Variants in L3MBTL4 observed in about 807,000 individuals in gnomAD.
L3MBTL4 encodes the protein lethal(3)malignant brain tumor-like protein 4.
L3MBTL4 carries 70 observed loss-of-function variants against 84.5 expected under a neutral mutation model. The observed-to-expected ratio is 0.83, with a 90% CI of 0.68 to 1.01. The LOEUF is 1.01. Ranked by LOEUF, L3MBTL4 falls within the 50% of genes least tolerant of loss-of-function variation. The pLI is 0.00. For synonymous variants in L3MBTL4, 274 were observed against 259.8 expected, an observed-to-expected ratio of 1.05 and a Z score of -0.52; for missense variants, 715 against 754.8, an observed-to-expected ratio of 0.95 and a Z score of 0.62.
intron 13 of L3MBTL4, among the ~76,000 whole-genome samples, chr18:6,152,804 T>C (rs1302587899): frequency 6.6e-6 from 1 of 152,172 alleles, no homozygotes; most frequent in Non-Finnish European, 1.5e-5. Context: ...AAACTCACTA[T>C]CAAAACCAAT....
chr18:6,018,936 C>A (rs950865574), intron 16 of L3MBTL4, among the ~76,000 whole-genome samples: 1 of 152,104 alleles, frequency 6.6e-6, no homozygotes, highest in Non-Finnish European at 1.5e-5. Context: ...TTGTTGGCAT[C>A]CTGAAAGTGA....
chr18:6,323,866 C>A (rs2051563582), intron 1 of L3MBTL4, among the ~76,000 whole-genome samples: 1 of 152,220 alleles, frequency 6.6e-6, no homozygotes, highest in Admixed American at 6.5e-5. Flanking sequence ...ATCCTAATAG[C>A]TAAGACAATA....
At chr18:6,031,494 T>A (rs1425291853) in intron 16 of L3MBTL4, 1 of 985,346 alleles carries the variant, frequency 1.0e-6, no homozygotes. Context: ...CTCATTTTTT[T>A]AAGTATTTAC....
At chr18:6,311,831 A>G (rs981353781) in intron 2 of L3MBTL4, among the ~76,000 whole-genome samples, 167 bp downstream of exon 2, 5 of 152,224 alleles carry the variant, frequency 3.3e-5, no homozygotes, top group African/African-American at 9.6e-5. Flanking sequence ...TAATAATAAG[A>G]CAAGGGGGAG....
At chr18:6,379,560 A>G (rs1264962569) in intron 1 of L3MBTL4, among the ~76,000 whole-genome samples, 1 of 152,196 alleles carries the variant, frequency 6.6e-6, no homozygotes, top group Non-Finnish European at 1.5e-5. Context: ...CCTTTTCTGC[A>G]TCTATTGAGA....
At chr18:6,032,449 C>G (rs1335624362) in intron 16 of L3MBTL4, among the ~76,000 whole-genome samples, 1 of 151,098 alleles carries the variant, frequency 6.6e-6, no homozygotes, top group Non-Finnish European at 1.5e-5. Flanking sequence ...TCGAGGGGGG[C>G]AGAACTGACC....
At chr18:6,314,366 T>G (rs1397604775) in intron 1 of L3MBTL4, among the ~76,000 whole-genome samples, 1 of 152,070 alleles carries the variant, frequency 6.6e-6, no homozygotes, top group Non-Finnish European at 1.5e-5. Flanking sequence ...TAATGTCAAA[T>G]TATAAAACAC....
intron 12 of L3MBTL4, among the ~76,000 whole-genome samples, chr18:6,196,106 C>T (rs1269045041): frequency 6.6e-6 from 1 of 151,888 alleles, no homozygotes; most frequent in Non-Finnish European, 1.5e-5. Flanking sequence ...CTGATATCTG[C>T]TTCCCCACAA....
chr18:6,134,013 C>T (rs932880314), intron 14 of L3MBTL4, among the ~76,000 whole-genome samples: 4 of 152,098 alleles, frequency 2.6e-5, no homozygotes, highest in African/African-American at 7.2e-5. Flanking sequence ...AAGACATACC[C>T]GAGACTGGGA....
At chr18:6,363,483 G>A (rs1343718942) in intron 1 of L3MBTL4, among the ~76,000 whole-genome samples, 1 of 152,068 alleles carries the variant, frequency 6.6e-6, no homozygotes, top group Non-Finnish European at 1.5e-5. Flanking sequence ...TGTCAGAAGT[G>A]ACAAAGATAA....
Position 6,233,119 on chromosome 18 carries a change from AC to A in L3MBTL4, c.784+4844del, listed in dbSNP as rs374700217. Among the ~76,000 whole-genome samples, 89 of 152,076 alleles carry A rather than the reference AC, an allele frequency of 5.9e-4. 2 individuals are homozygous for A. The East Asian group carries it at 0.01, about 17-fold the overall frequency. ...AAAAGGCCTTTGACAAAATTCAACA[AC>A]CCTTCACGCTAAAAACTCTCAATAA... On this transcript the variant is annotated intron_variant, in intron 10 of 18. Coordinates refer to ENST00000317931, the MANE Select transcript of L3MBTL4 (RefSeq NM_001330559.2).
chr18:6,396,326 G>C (rs1439789598), intron 1 of L3MBTL4: 1 of 152,352 alleles, frequency 6.6e-6, no homozygotes, highest in African/African-American at 2.4e-5. Context: ...GTGTTAGACT[G>C]ACCATGCAGG....
intron 12 of L3MBTL4, among the ~76,000 whole-genome samples, chr18:6,206,388 T>A (rs1015898826): frequency 2.0e-5 from 3 of 152,192 alleles, no homozygotes; most frequent in African/African-American, 7.2e-5. Context: ...CTGTGAAACA[T>A]TCTATTTCTA....
intron 1 of L3MBTL4, among the ~76,000 whole-genome samples, chr18:6,354,880 C>CA (rs926356534): frequency 2.6e-5 from 4 of 151,764 alleles, no homozygotes; most frequent in African/African-American, 9.7e-5. Context: ...GGAGGTCCCA[C>CA]AAAAAAAATT....
At chr18:6,248,093 A>C (rs1360018656) in intron 5 of L3MBTL4, among the ~76,000 whole-genome samples, 1 of 152,178 alleles carries the variant, frequency 6.6e-6, no homozygotes, top group Non-Finnish European at 1.5e-5. Flanking sequence ...TCATAAGTTC[A>C]AACAGATATG....
intron 1 of L3MBTL4, among the ~76,000 whole-genome samples, chr18:6,357,254 C>T (rs1221564920): frequency 1.3e-5 from 2 of 152,142 alleles, no homozygotes; most frequent in African/African-American, 4.8e-5. Flanking sequence ...GAGTCTTTGA[C>T]ACTACTATAT....
intron 14 of L3MBTL4, among the ~76,000 whole-genome samples, chr18:6,112,371 T>A (rs1187073086): frequency 1.3e-5 from 2 of 152,256 alleles, no homozygotes; most frequent in Non-Finnish European, 2.9e-5. Flanking sequence ...CTCCCTTTGC[T>A]GCACTGGCAC....
intron 16 of L3MBTL4, among the ~76,000 whole-genome samples, chr18:6,061,143 T>C (rs2057205149): frequency 6.6e-6 from 1 of 152,160 alleles, no homozygotes. Flanking sequence ...CAGCAATGGA[T>C]GACAGAGTCC....
At chr18:6,242,172 G>A (rs1321888245) in intron 7 of L3MBTL4, among the ~76,000 whole-genome samples, 1 of 151,990 alleles carries the variant, frequency 6.6e-6, no homozygotes, top group Non-Finnish European at 1.5e-5. Context: ...CTTCGTCCCC[G>A]ACCTTCCCAC....
Sources: gnomAD v4.1 joint callset for allele counts (sites outside exome capture counted in the v4.1 genomes callset) on GRCh38, gnomAD v4.1.1 for gene constraint, MANE v1.5 for transcripts, NCBI Gene and HGNC (gene_info 2026-07-23, HGNC 2026-07-21) for gene names.